Variants in RUNX2 observed in about 807,000 individuals in gnomAD.
RUNX2 encodes runt-related transcription factor 2.
In RUNX2, 10 loss-of-function variants were observed where a neutral mutation model predicts 51.7. The ratio of observed to expected loss-of-function variants is 0.19; its 90% CI spans 0.12 to 0.33. RUNX2 has a LOEUF of 0.33. Among genes scored for constraint, RUNX2 ranks in the 10% least tolerant of loss-of-function variants. RUNX2 has a pLI of 1.00. For synonymous variants in RUNX2, 276 were observed against 273.6 expected, an observed-to-expected ratio of 1.01 and a Z score of -0.09; for missense variants, 562 against 691.3, an observed-to-expected ratio of 0.81 and a Z score of 2.10.
intron 5 of RUNX2, among the ~76,000 whole-genome samples, chr6:45,464,545 G>A (rs1441121756): frequency 6.6e-6 from 1 of 152,144 alleles, no homozygotes; most frequent in African/African-American, 2.4e-5. Flanking sequence ...TGGGTTGCAT[G>A]AGCTGCTTCA....
chr6:45,445,753 T>G (rs1040576891), intron 5 of RUNX2, among the ~76,000 whole-genome samples: 13 of 151,898 alleles, frequency 8.6e-5, no homozygotes, highest in African/African-American at 3.1e-4. Context: ...TTGAAAATCT[T>G]TAACTTAAGA....
At chr6:45,404,250 ACT>A (rs1360120066) in intron 2 of RUNX2, among the ~76,000 whole-genome samples, 8 of 129,854 alleles carry the variant, frequency 6.2e-5, no homozygotes, top group Admixed American at 4.2e-4. Flanking sequence ...ACAGAGCAAG[ACT>A]CTGTCTCAAA....
chr6:45,460,748 C>T (rs1799451151), intron 5 of RUNX2, among the ~76,000 whole-genome samples: 1 of 146,960 alleles, frequency 6.8e-6, no homozygotes, highest in African/African-American at 2.6e-5. Context: ...CCAGCCTGGG[C>T]AGTATAGCAA....
In RUNX2 at chr6:45,360,633, T is replaced by A. The variant is rs1293440934; in HGVS notation, c.58+31849T>A. ...TAGTCAAATGATACCATTTCACATA[T>A]AAAACAAAGCTCTAGTACACTGCAG... On this transcript the variant is annotated intron_variant, in intron 2 of 8. Transcript: ENST00000647337. 2.0e-5 allele frequency among the ~76,000 whole-genome samples: 3 copies of A among 152,198 alleles called. No homozygotes were observed. The East Asian group carries it at 5.8e-4, about 29-fold the overall frequency.
At chr6:45,517,782 A>G (rs1159352257) in intron 7 of RUNX2, among the ~76,000 whole-genome samples, 1 of 151,816 alleles carries the variant, frequency 6.6e-6, no homozygotes, top group Non-Finnish European at 1.5e-5. Flanking sequence ...TATCACTACT[A>G]CAAAATCTAG....
chr6:45,422,455 A>G (rs1303780425), intron 2 of RUNX2, 138 bp from the exon 3 acceptor site: 4 of 731,396 alleles, frequency 5.5e-6, no homozygotes, highest in Non-Finnish European at 6.9e-6. Flanking sequence ...TCACCTCCTC[A>G]GCCCCATCAC....
rs116876253 is a variant in RUNX2, at chr6:45,366,518, C to T, written c.58+37734C>T. On this transcript the variant is annotated intron_variant, in intron 2 of 8. Transcript: ENST00000647337. ...AGCAGACCTTAAGAACTCCCTCTTC[C>T]GTTAAAGGGGAAAGTTAAAGAAGAA... is the stretch of plus-strand genomic sequence containing the variant. 7.2e-5 allele frequency among the ~76,000 whole-genome samples: 11 copies of T among 152,232 alleles called. No individual in the cohort carries two copies. The East Asian group carries it at 1.4e-3, about 19-fold the overall frequency.
intron 2 of RUNX2, among the ~76,000 whole-genome samples, chr6:45,362,433 CACA>C (rs1316398348): frequency 6.6e-6 from 1 of 152,108 alleles, no homozygotes; most frequent in Non-Finnish European, 1.5e-5. Flanking sequence ...ATTACTGTAA[CACA>C]AAATAAACAT....
chr6:45,465,521 C>T (rs73448153), intron 5 of RUNX2, among the ~76,000 whole-genome samples: 7,998 of 151,886 alleles, frequency 0.053, 542 homozygotes, highest in East Asian at 0.16. Flanking sequence ...TAAAAAGTGG[C>T]CTTGTCTAGT....
At chr6:45,534,097 A>G (rs1187742178) in intron 7 of RUNX2, among the ~76,000 whole-genome samples, 1 of 151,696 alleles carries the variant, frequency 6.6e-6, no homozygotes, top group African/African-American at 2.4e-5. Flanking sequence ...GTTTCACCAT[A>G]TTGGTCAGGC....
At chr6:45,355,203 C>A (rs1792921154) in intron 2 of RUNX2, among the ~76,000 whole-genome samples, 1 of 150,832 alleles carries the variant, frequency 6.6e-6, no homozygotes, top group Non-Finnish European at 1.5e-5. Flanking sequence ...CTCAAGCAAT[C>A]CTCCTGCCTC....
intron 5 of RUNX2, among the ~76,000 whole-genome samples, chr6:45,465,963 G>A (rs1258556416): frequency 6.6e-6 from 1 of 151,932 alleles, no homozygotes; most frequent in African/African-American, 2.4e-5. Context: ...TTTTTTCTAT[G>A]CCTTAGTTCC....
At chr6:45,394,909 C>T (rs555997049) in intron 2 of RUNX2, among the ~76,000 whole-genome samples, 1 of 152,290 alleles carries the variant, frequency 6.6e-6, no homozygotes, top group South Asian at 2.1e-4. Flanking sequence ...GATCTTTATC[C>T]TGAGAACCTA....
At chr6:45,382,748 A>C (rs1473237281) in intron 2 of RUNX2, among the ~76,000 whole-genome samples, 1 of 152,260 alleles carries the variant, frequency 6.6e-6, no homozygotes, top group Non-Finnish European at 1.5e-5. Context: ...CGTAAGATTT[A>C]GGCTTTAAAT....
intron 7 of RUNX2, among the ~76,000 whole-genome samples, chr6:45,533,637 A>C (rs1235609746): frequency 6.6e-6 from 1 of 152,200 alleles, no homozygotes; most frequent in Non-Finnish European, 1.5e-5. Context: ...GAAGTTACAT[A>C]AGGAGCATTG....
intron 7 of RUNX2, among the ~76,000 whole-genome samples, chr6:45,524,314 T>A (rs542496960): frequency 6.6e-6 from 1 of 152,348 alleles, no homozygotes; most frequent in African/African-American, 2.4e-5. Flanking sequence ...TGTTCCTAAA[T>A]ATCTCAGAGG....
At chr6:45,393,473 C>A (rs111514840) in intron 2 of RUNX2, among the ~76,000 whole-genome samples, 1 of 151,866 alleles carries the variant, frequency 6.6e-6, no homozygotes, top group Non-Finnish European at 1.5e-5. Context: ...CTGCATAGCC[C>A]AGGCTGGAGT....
chr6:45,451,596 CTT>C (rs1799172265), intron 5 of RUNX2, among the ~76,000 whole-genome samples: 3 of 152,288 alleles, frequency 2.0e-5, no homozygotes, highest in African/African-American at 7.2e-5. Flanking sequence ...TGAAAAATGA[CTT>C]AATAACAGAC....
chr6:45,335,158 C>T (rs1788303843), intron 2 of RUNX2, among the ~76,000 whole-genome samples: 1 of 151,108 alleles, frequency 6.6e-6, no homozygotes, highest in East Asian at 1.9e-4. Flanking sequence ...TCTAATTTTT[C>T]TATGATAATT....
Sources: allele counts gnomAD v4.1 joint callset (sites outside exome capture counted in the v4.1 genomes callset), GRCh38; gene constraint gnomAD v4.1.1; transcripts MANE v1.5; gene names NCBI Gene and HGNC (gene_info 2026-07-23, HGNC 2026-07-21).